The following TPD52 variants were observed in gnomAD, a reference collection of about 807,000 sequenced individuals.
The protein encoded by TPD52 is tumor protein D52.
Under a neutral mutation model 31.3 loss-of-function variants are expected in TPD52, and 17 were observed. That is an observed-to-expected ratio of 0.54 (90% CI 0.37 to 0.82). The LOEUF (loss-of-function observed/expected upper bound fraction) is 0.82, where lower values mean the gene tolerates loss of function less well. Ranked by LOEUF, TPD52 falls within the 40% of genes least tolerant of loss-of-function variation. TPD52 has a pLI of 0.00. For synonymous variants in TPD52, 83 were observed against 89.6 expected, an observed-to-expected ratio of 0.93 and a Z score of 0.42; for missense variants, 212 against 240.1, an observed-to-expected ratio of 0.88 and a Z score of 0.77.
intron 2 of TPD52, among the ~76,000 whole-genome samples, chr8:80,060,222 CAGAA>C (rs1397363127): frequency 7.6e-6 from 1 of 131,188 alleles, no homozygotes; most frequent in Non-Finnish European, 1.6e-5. Flanking sequence ...CTTATAGAAA[CAGAA>C]AGGATTATAA....
Position 80,106,399 on chromosome 8 carries a change from C to G in TPD52, c.20-41806G>C, listed in dbSNP as rs1393652276. Among the ~76,000 whole-genome samples the G allele has an allele frequency of 3.3e-5, 5 of 152,146 alleles. No homozygotes were observed. The East Asian group carries it at 5.8e-4, about 18-fold the overall frequency. On this transcript the variant is annotated intron_variant, in intron 1 of 7. Coordinates refer to ENST00000518937, the MANE Select transcript of TPD52 (RefSeq NM_001025253.3). ...TTGAGACAGAGTCTTGCTCTGTCAC[C>G]AGGCTGGAGTGCAGTGGTGCGATCT...
chr8:80,050,600 T>A (rs749571522), intron 4 of TPD52, 129 bp from the exon 5 acceptor site: 7 of 817,568 alleles, frequency 8.6e-6, no homozygotes, highest in Non-Finnish European at 1.1e-5. Flanking sequence ...TCAGTCAGCA[T>A]AGAGAAAATG....
chr8:80,044,295 CAGG>C, intron 5 of TPD52, 87 bp from the exon 6 acceptor site: 2 of 1,061,672 alleles, frequency 1.9e-6, no homozygotes, highest in Non-Finnish European at 2.7e-6. Context: ...CTTAGCTCCC[CAGG>C]AGCTTTATTC....
chr8:80,054,016 C>T (rs1409579879), intron 2 of TPD52, among the ~76,000 whole-genome samples: 1 of 152,186 alleles, frequency 6.6e-6, no homozygotes, highest in African/African-American at 2.4e-5. Context: ...CAGGAGATCC[C>T]TGCTCTCAAG....
chr8:80,123,404 G>A (rs548573756), intron 1 of TPD52, among the ~76,000 whole-genome samples: 4 of 152,278 alleles, frequency 2.6e-5, no homozygotes, highest in East Asian at 1.9e-4. Flanking sequence ...TGGTACCTCC[G>A]ACCAAGAAAG....
chr8:80,109,359 TC>T (rs1807348817), intron 1 of TPD52, among the ~76,000 whole-genome samples: 1 of 152,206 alleles, frequency 6.6e-6, no homozygotes, highest in Admixed American at 6.5e-5. Context: ...TCAGGCCAAG[TC>T]TGATGAGACA....
chr8:80,144,838 T>C (rs1053444475), intron 1 of TPD52, among the ~76,000 whole-genome samples: 9 of 151,994 alleles, frequency 5.9e-5, no homozygotes, highest in Non-Finnish European at 4.4e-5. Flanking sequence ...TCTAAATTTG[T>C]AGGTCATCTC....
chr8:80,119,494 G>A (rs144573625), intron 1 of TPD52, among the ~76,000 whole-genome samples: 61 of 152,270 alleles, frequency 4.0e-4, no homozygotes, highest in African/African-American at 1.3e-3. Flanking sequence ...ACTTCTACCC[G>A]TGGCTTTGTG....
intron 1 of TPD52, among the ~76,000 whole-genome samples, chr8:80,135,267 G>C (rs1809309536): frequency 6.6e-6 from 1 of 152,222 alleles, no homozygotes; most frequent in Non-Finnish European, 1.5e-5. Flanking sequence ...TAGAACATTT[G>C]AAATAATTTA....
intron 1 of TPD52, among the ~76,000 whole-genome samples, chr8:80,152,607 C>T (rs1234643935): frequency 2.0e-5 from 3 of 151,766 alleles, no homozygotes; most frequent in African/African-American, 7.3e-5. Flanking sequence ...ATGGTGAAAC[C>T]CCATCTCTAC....
intron 1 of TPD52, among the ~76,000 whole-genome samples, chr8:80,170,129 T>G (rs1482668124): frequency 6.6e-5 from 10 of 152,078 alleles, no homozygotes; most frequent in Non-Finnish European, 1.2e-4. Context: ...GAAAGTAAAG[T>G]ACAGGCCTGG....
intron 1 of TPD52, chr8:80,119,976 G>A: frequency 1.3e-5 from 3 of 238,484 alleles, no homozygotes; most frequent in South Asian, 4.3e-5. Flanking sequence ...GATCTCTCTG[G>A]GATAAAAAAC....
At chr8:80,102,271 C>T (rs1806798585) in intron 1 of TPD52, among the ~76,000 whole-genome samples, 1 of 152,216 alleles carries the variant, frequency 6.6e-6, no homozygotes, top group Non-Finnish European at 1.5e-5. Context: ...AGCTCACTCA[C>T]TTTCAAGCTC....
chr8:80,124,898 C>A (rs1009636855), intron 1 of TPD52, among the ~76,000 whole-genome samples: 12 of 152,264 alleles, frequency 7.9e-5, no homozygotes, highest in Non-Finnish European at 1.3e-4. Flanking sequence ...TCCCATATAG[C>A]CCCTGTCCCC....
At chr8:80,170,626 A>C (rs142376845) in intron 1 of TPD52, among the ~76,000 whole-genome samples, 103 of 152,168 alleles carry the variant, frequency 6.8e-4, no homozygotes, top group African/African-American at 2.5e-3. Context: ...TTCAGCATTT[A>C]TGTATCTTTT....
intron 1 of TPD52, among the ~76,000 whole-genome samples, chr8:80,114,162 C>G (rs527615614): frequency 2.0e-5 from 3 of 152,110 alleles, no homozygotes; most frequent in Non-Finnish European, 4.4e-5. Context: ...TTGCTTGAAC[C>G]CAGGAAGTGG....
At chr8:80,134,484 T>G (rs1809250735) in intron 1 of TPD52, among the ~76,000 whole-genome samples, 1 of 152,214 alleles carries the variant, frequency 6.6e-6, no homozygotes, top group African/African-American at 2.4e-5. Context: ...TAAGAAAAGC[T>G]CCAAGTCATG....
At chr8:80,064,058 A>AGGGAG (rs1476754576) in intron 2 of TPD52, among the ~76,000 whole-genome samples, 3 of 108,214 alleles carry the variant, frequency 2.8e-5, no homozygotes, top group Admixed American at 1.1e-4. Flanking sequence ...AGGGAAGGGA[A>AGGGAG]GGGAGGGGAG....
intron 1 of TPD52, among the ~76,000 whole-genome samples, chr8:80,169,437 G>T (rs1436632343): frequency 6.6e-6 from 1 of 152,064 alleles, no homozygotes; most frequent in African/African-American, 2.4e-5. Context: ...ACAAGATAAA[G>T]ATTTGAAAAA....
Sources: gnomAD v4.1 joint callset for allele counts (sites outside exome capture counted in the v4.1 genomes callset) on GRCh38, gnomAD v4.1.1 for gene constraint, MANE v1.5 for transcripts, NCBI Gene and HGNC (gene_info 2026-07-23, HGNC 2026-07-21) for gene names.